ZNF676: variants seen among roughly 807,000 people sequenced by gnomAD.
The protein encoded by ZNF676 is zinc finger protein 676.
A neutral mutation model predicts 6.0 loss-of-function variants in ZNF676; 4 were observed. The ratio of observed to expected loss-of-function variants is 0.67; its 90% CI spans 0.33 to 1.53. ZNF676 has a LOEUF of 1.53. ZNF676 is among the 40% of genes most tolerant of loss of function. ZNF676 has a pLI of 0.06. For synonymous variants in ZNF676, 198 were observed against 223.1 expected, an observed-to-expected ratio of 0.89 and a Z score of 1.00; for missense variants, 644 against 679.7, an observed-to-expected ratio of 0.95 and a Z score of 0.58.
chr19:22,225,281 CA>C, the ZNF676 span, among the ~76,000 whole-genome samples: 1 of 151,462 alleles, frequency 6.6e-6, no homozygotes, highest in African/African-American at 2.4e-5. Flanking sequence ...TAAAATGTGA[CA>C]AAATTTTCTC....
At chr19:22,182,593 A>AAAAAAAAAAAAAAAAAAAAAAAAAAGC (rs1356303631) in intron 2 of ZNF676, among the ~76,000 whole-genome samples, 8 of 90,920 alleles carry the variant, frequency 8.8e-5, no homozygotes, top group Admixed American at 2.6e-4. Context: ...TCTAAAAAAA[A>AAAAAAAAAAAAAAAAAAAAAAAAAAGC]AAAAAAAAAG....
the ZNF676 span, among the ~76,000 whole-genome samples, chr19:22,239,715 C>T: frequency 3.3e-5 from 5 of 152,168 alleles, no homozygotes; most frequent in Non-Finnish European, 7.3e-5. Context: ...AGAGTCACAA[C>T]ATTTGGGTGC....
the ZNF676 span, among the ~76,000 whole-genome samples, chr19:22,247,612 C>T: frequency 4.7e-5 from 7 of 149,858 alleles, no homozygotes; most frequent in East Asian, 2.0e-4. Flanking sequence ...AGTAATGTCA[C>T]TCTTGGTTAA....
At chr19:22,240,860 C>A in the ZNF676 span, among the ~76,000 whole-genome samples, 1 of 151,948 alleles carries the variant, frequency 6.6e-6, no homozygotes, top group East Asian at 1.9e-4. Context: ...CCTCTGTGAG[C>A]AGAATCCATG....
intron 1 of ZNF676, among the ~76,000 whole-genome samples, chr19:22,210,046 C>G (rs1371610580): frequency 6.6e-6 from 1 of 152,072 alleles, no homozygotes; most frequent in Non-Finnish European, 1.5e-5. Context: ...CATCAGATCT[C>G]CTTTAAGTTT....
intron 1 of ZNF676, among the ~76,000 whole-genome samples, chr19:22,209,519 G>A (rs534530110): frequency 1.3e-5 from 2 of 151,902 alleles, no homozygotes; most frequent in Non-Finnish European, 2.9e-5. Context: ...GGACTAAAAG[G>A]GTCAGAAAAA....
chr19:22,255,658 A>G, the ZNF676 span, among the ~76,000 whole-genome samples: 1 of 152,076 alleles, frequency 6.6e-6, no homozygotes, highest in East Asian at 1.9e-4. Context: ...ATCCTGGCTA[A>G]CACGGTGAAA....
the ZNF676 span, among the ~76,000 whole-genome samples, chr19:22,224,064 T>G: frequency 4.6e-5 from 7 of 151,404 alleles, no homozygotes; most frequent in African/African-American, 1.7e-4. Context: ...CAATTTCTCT[T>G]AAGTTTTACT....
At chr19:22,246,221 C>A in the ZNF676 span, among the ~76,000 whole-genome samples, 2 of 152,100 alleles carry the variant, frequency 1.3e-5, no homozygotes, top group African/African-American at 4.8e-5. Context: ...AGGGCCCATG[C>A]AGAAGAGTCT....
chr19:22,225,982 C>A, the ZNF676 span, among the ~76,000 whole-genome samples: 1 of 151,758 alleles, frequency 6.6e-6, no homozygotes, highest in Non-Finnish European at 1.5e-5. Flanking sequence ...GTTGCTTATG[C>A]GTTTAATGTC....
At chr19:22,225,696 A>C in the ZNF676 span, among the ~76,000 whole-genome samples, 1 of 152,162 alleles carries the variant, frequency 6.6e-6, no homozygotes, top group Non-Finnish European at 1.5e-5. Context: ...ATTCCTCTAC[A>C]AATTAGTAAT....
upstream of ZNF676, among the ~76,000 whole-genome samples, chr19:22,216,726 C>A (rs140281397): frequency 1.6e-4 from 24 of 151,458 alleles, no homozygotes; most frequent in South Asian, 2.7e-3. Flanking sequence ...TGGGTTCAAG[C>A]GATTCTCCTG....
At chr19:22,203,965 T>A (rs925507019) in intron 1 of ZNF676, 2 of 152,170 alleles carry the variant, frequency 1.3e-5, no homozygotes, top group Non-Finnish European at 1.5e-5. Context: ...GAATGTGAGA[T>A]CTACACTGGA....
At chr19:22,199,012 G>C (rs1202139051), upstream of ZNF676, among the ~76,000 whole-genome samples, 1 of 151,856 alleles carries the variant, frequency 6.6e-6, no homozygotes, top group Non-Finnish European at 1.5e-5. Context: ...CTTCCACCAA[G>C]AACAATAAAC....
intron 1 of ZNF676, among the ~76,000 whole-genome samples, chr19:22,205,131 A>T (rs138761196): frequency 1.6e-4 from 25 of 151,584 alleles, no homozygotes; most frequent in Admixed American, 1.2e-3. Flanking sequence ...AAATTGTTAT[A>T]AAAAAAAACC....
chr19:22,235,451 A>G, the ZNF676 span, among the ~76,000 whole-genome samples: 2 of 152,196 alleles, frequency 1.3e-5, no homozygotes, highest in Non-Finnish European at 2.9e-5. Context: ...GGCCCACTAG[A>G]CATTGTGCCT....
At chr19:22,193,515 G>C (rs1272779507) in intron 1 of ZNF676, among the ~76,000 whole-genome samples, 1 of 151,974 alleles carries the variant, frequency 6.6e-6, no homozygotes, top group African/African-American at 2.4e-5. Context: ...TTCTTATTTT[G>C]TCAGACAACA....
chr19:22,235,292 C>T, the ZNF676 span, among the ~76,000 whole-genome samples: 8 of 152,210 alleles, frequency 5.3e-5, no homozygotes, highest in African/African-American at 1.9e-4. Flanking sequence ...GCCCAAGTGG[C>T]AGAGCAGCTT....
chr19:22,259,400 A>C, the ZNF676 span, among the ~76,000 whole-genome samples: 1 of 152,170 alleles, frequency 6.6e-6, no homozygotes, highest in Admixed American at 6.6e-5. Context: ...GTGATATGTC[A>C]CAATCTCCTT....
Sources: allele counts gnomAD v4.1 joint callset (sites outside exome capture counted in the v4.1 genomes callset), GRCh38; gene constraint gnomAD v4.1.1; transcripts MANE v1.5; gene names NCBI Gene and HGNC (gene_info 2026-07-23, HGNC 2026-07-21).